EAF2: variants seen among roughly 807,000 people sequenced by gnomAD.
EAF2 encodes the protein ELL-associated factor 2.
In EAF2, 29 loss-of-function variants were observed where a neutral mutation model predicts 29.4. The observed-to-expected ratio is 0.99, with a 90% CI of 0.73 to 1.35. The LOEUF is 1.35. Among genes scored for constraint, EAF2 ranks in the 40% most tolerant of loss-of-function variants. The probability of loss-of-function intolerance (pLI) is 0.00; values close to 1 mark genes in which losing one functional copy is unlikely to be tolerated. For missense variants in EAF2, 292 were observed against 312.0 expected (o/e 0.94, Z 0.48); for synonymous variants, 103 against 102.5 (o/e 1.00, Z -0.03).
intron 5 of EAF2, among the ~76,000 whole-genome samples, chr3:121,879,612 C>A (rs980933090): frequency 4.4e-5 from 2 of 45,936 alleles, no homozygotes; most frequent in African/African-American, 1.0e-4. Context: ...TCTTTTCTTT[C>A]TTTCTTTCTT....
intron 3 of EAF2, among the ~76,000 whole-genome samples, chr3:121,855,537 T>C (rs1708704353): frequency 6.6e-6 from 1 of 152,186 alleles, no homozygotes; most frequent in South Asian, 2.1e-4. Flanking sequence ...GGAAGGATCC[T>C]GGGAAACTCT....
intron 5 of EAF2, among the ~76,000 whole-genome samples, chr3:121,874,346 T>C (rs2107542340): frequency 6.6e-6 from 1 of 151,966 alleles, no homozygotes; most frequent in African/African-American, 2.4e-5. Flanking sequence ...TTTAGTGTTA[T>C]TCTTGACTTG....
chr3:121,885,757 T>A (rs1709271348), intron 5 of EAF2, among the ~76,000 whole-genome samples: 1 of 152,174 alleles, frequency 6.6e-6, no homozygotes, highest in South Asian at 2.1e-4. Flanking sequence ...ACTACCCTAT[T>A]TAAAATAGCA....
intron 4 of EAF2, among the ~76,000 whole-genome samples, chr3:121,864,777 A>G (rs1708895237): frequency 6.6e-6 from 1 of 152,136 alleles, no homozygotes; most frequent in Admixed American, 6.6e-5. Context: ...TGATTGTGCC[A>G]CTGCATTCCA....
intron 5 of EAF2, among the ~76,000 whole-genome samples, chr3:121,881,024 A>G (rs1352644818): frequency 6.6e-6 from 1 of 152,162 alleles, no homozygotes; most frequent in Non-Finnish European, 1.5e-5. Context: ...GTGATATTTC[A>G]CATTTATTGA....
chr3:121,859,490 G>A (rs1402134340), intron 4 of EAF2, among the ~76,000 whole-genome samples: 2 of 152,034 alleles, frequency 1.3e-5, no homozygotes, highest in South Asian at 2.1e-4. Context: ...TTGGTGTATA[G>A]GAATGCTTGT....
At chr3:121,874,474 A>G (rs1709064233) in intron 5 of EAF2, among the ~76,000 whole-genome samples, 1 of 151,880 alleles carries the variant, frequency 6.6e-6, no homozygotes. Context: ...CCAGTAATTA[A>G]TAAGTTCTAT....
intron 1 of EAF2, among the ~76,000 whole-genome samples, chr3:121,836,477 A>G (rs1205385047): frequency 6.6e-6 from 1 of 152,268 alleles, no homozygotes; most frequent in African/African-American, 2.4e-5. Context: ...AAGTAAAGGT[A>G]TGAAGAACCA....
rs1353189730 is a variant in EAF2 at position 121,869,136 on chromosome 3, A to G, written c.485-3401A>G. ...ATCCATGGGTTAAAGAAGAATCATC[A>G]AAGGAAATTAAAAATACATGCAGCT... On this transcript the variant is annotated intron_variant, in intron 4 of 5. Transcript: ENST00000273668. Among the ~76,000 whole-genome samples the G allele has an allele frequency of 2.0e-5, 3 of 152,220 alleles. No homozygotes were observed. The East Asian group carries it at 5.8e-4, about 29-fold the overall frequency.
chr3:121,866,090 A>G (rs1168491237), intron 4 of EAF2, among the ~76,000 whole-genome samples: 1 of 152,084 alleles, frequency 6.6e-6, no homozygotes, highest in Non-Finnish European at 1.5e-5. Flanking sequence ...CAATCACAAC[A>G]AAAAATTGCC....
intron 2 of EAF2, among the ~76,000 whole-genome samples, chr3:121,852,087 T>C (rs1273632504): frequency 1.3e-5 from 2 of 152,358 alleles, no homozygotes; most frequent in East Asian, 3.9e-4. Flanking sequence ...AAATTGTCTA[T>C]ATTATTCATA....
chr3:121,881,077 C>T (rs1453697300), intron 5 of EAF2, among the ~76,000 whole-genome samples: 1 of 152,108 alleles, frequency 6.6e-6, no homozygotes, highest in Non-Finnish European at 1.5e-5. Flanking sequence ...GGATAAATCC[C>T]ACTTATCATG....
chr3:121,845,361 C>G (rs1038130067), intron 2 of EAF2, among the ~76,000 whole-genome samples: 2 of 135,480 alleles, frequency 1.5e-5, no homozygotes, highest in African/African-American at 2.8e-5. Flanking sequence ...TCGCTGGAAC[C>G]TGAGAGGCAG....
intron 4 of EAF2, among the ~76,000 whole-genome samples, chr3:121,869,726 T>C (rs1311627183): frequency 1.3e-5 from 2 of 151,818 alleles, no homozygotes; most frequent in Non-Finnish European, 2.9e-5. Flanking sequence ...ATTTTTTTTT[T>C]AGATTACTCA....
chr3:121,843,063 G>C (rs1350587471), intron 1 of EAF2, among the ~76,000 whole-genome samples: 1 of 152,108 alleles, frequency 6.6e-6, no homozygotes, highest in Non-Finnish European at 1.5e-5. Flanking sequence ...GCAGCATGAA[G>C]AATATATTAT....
chr3:121,864,156 G>T (rs1352438525), intron 4 of EAF2, among the ~76,000 whole-genome samples: 2 of 151,976 alleles, frequency 1.3e-5, no homozygotes, highest in African/African-American at 4.8e-5. Flanking sequence ...TTTTTTTCTA[G>T]CTGCAGTGTG....
At chr3:121,851,437 A>G (rs1390665217) in intron 2 of EAF2, among the ~76,000 whole-genome samples, 1 of 152,188 alleles carries the variant, frequency 6.6e-6, no homozygotes, top group Non-Finnish European at 1.5e-5. Context: ...GCCATCTAAA[A>G]TGGTGGGATT....
chr3:121,849,662 T>C (rs1034175470), intron 2 of EAF2, among the ~76,000 whole-genome samples: 2 of 152,102 alleles, frequency 1.3e-5, no homozygotes, highest in African/African-American at 2.4e-5. Flanking sequence ...CTCCTATATG[T>C]ATGAGGGGTA....
chr3:121,879,529 A>G (rs547539696), intron 5 of EAF2, among the ~76,000 whole-genome samples: 2 of 152,004 alleles, frequency 1.3e-5, no homozygotes, highest in East Asian at 3.9e-4. Context: ...AGGTCTTAGA[A>G]TTGAGTCTTT....
Sources: allele counts gnomAD v4.1 joint callset (sites outside exome capture counted in the v4.1 genomes callset), GRCh38; gene constraint gnomAD v4.1.1; transcripts MANE v1.5; gene names NCBI Gene and HGNC (gene_info 2026-07-23, HGNC 2026-07-21).